ZNF234: variants seen among roughly 807,000 people sequenced by gnomAD.
The protein encoded by ZNF234 is C2-H2 type zinc finger protein.
A neutral mutation model predicts 10.3 loss-of-function variants in ZNF234; 4 were observed. That is an observed-to-expected ratio of 0.39 (90% CI 0.19 to 0.89). The LOEUF (loss-of-function observed/expected upper bound fraction) is 0.89. ZNF234 is among the 40% of genes least tolerant of loss of function. The probability of loss-of-function intolerance (pLI) is 0.38; values close to 1 mark genes in which losing one functional copy is unlikely to be tolerated. For missense variants in ZNF234, 711 were observed against 836.1 expected, an observed-to-expected ratio of 0.85 and a Z score of 1.85; for synonymous variants, 258 against 280.1, an observed-to-expected ratio of 0.92 and a Z score of 0.79.
intron 5 of ZNF234, among the ~76,000 whole-genome samples, 190 bp from the exon 6 acceptor site, chr19:44,156,062 T>G (rs1217011052): frequency 1.3e-5 from 2 of 152,340 alleles, no homozygotes; most frequent in Admixed American, 1.3e-4. Context: ...GCCTGGTAGA[T>G]AGCAGCCAAT....
Position 44,156,641 on chromosome 19 carries a change from T to C in ZNF234, c.625T>C (p.Cys209Arg), listed in dbSNP as rs754844728. Residue 209 changes from cysteine (C) to arginine (R), a missense_variant, in exon 6 of 6, where the codon TGT becomes CGT. Coordinates refer to ENST00000426739, the MANE Select transcript of ZNF234 (RefSeq NM_006630.3). ...AGAGAAATGCTATAAGTGTGACGTG[T>C]GTGGTAAGGAATTTAGTCAGAGCTC... ...MGEKCYKCDV[C>R]GKEFSQSSHL... is the part of the protein sequence containing the mutation. 5 of 1,614,036 alleles carry C rather than the reference T, an allele frequency of 3.1e-6. No individual in the cohort carries two copies.
At position 44,157,269 on chromosome 19, in the gene ZNF234, A is replaced by C. The variant is rs1968915609; in HGVS notation, c.1253A>C (p.His418Pro). The C allele has an allele frequency of 1.2e-6, 2 of 1,614,146 alleles. No individual in the cohort carries two copies. The highest frequency in any genetic ancestry group is 1.7e-6 in the Non-Finnish European group (2 of 1,179,996). ...SFRMKIHYQV[H>P]LVVHTGEKPY... ...AGAATGAAAATTCATTATCAAGTGC[A>C]TCTGGTAGTCCACACAGGGGAAAAA... is the stretch of plus-strand genomic sequence containing the variant. The change falls in exon 6 of 6, where the codon CAT becomes CCT. Residue 418 changes from histidine (H) to proline (P), a missense_variant. Transcript: ENST00000426739.
chr19:44,157,239 G>C lies in ZNF234; in HGVS notation c.1223G>C (p.Ser408Thr). Residue 408 changes from serine to threonine, a missense_variant, in exon 6 of 6, where the codon AGC becomes ACC. Ser to Thr is a moderately conservative substitution (Grantham distance 58). Transcript: ENST00000426739. ...KPYKCNECGK[S>T]FRMKIHYQVH... is the part of the protein sequence containing the mutation. ...TACAAATGCAATGAGTGTGGGAAGA[G>C]CTTCAGAATGAAAATTCATTATCAA... The C allele has an allele frequency of 6.2e-7, 1 of 1,614,110 alleles. No individual in the cohort carries two copies. The highest frequency in any genetic ancestry group is 8.5e-7 in the Non-Finnish European group (1 of 1,179,986).
intron 3 of ZNF234, among the ~76,000 whole-genome samples, chr19:44,146,767 C>A (rs1184490123): frequency 2.7e-5 from 4 of 145,690 alleles, no homozygotes; most frequent in Admixed American, 2.7e-4. Context: ...TTTTGGTCAT[C>A]ATATAGAGAA....
intron 3 of ZNF234, among the ~76,000 whole-genome samples, chr19:44,147,298 G>A (rs1051278543): frequency 6.6e-6 from 1 of 151,718 alleles, no homozygotes; most frequent in Non-Finnish European, 1.5e-5. Context: ...GTACAGTGGT[G>A]TGATCATCGC....
At position 44,156,544 on chromosome 19, in the gene ZNF234, T is replaced by C. The variant is rs1411787452; in HGVS notation, c.528T>C (p.His176=). 1 of 1,614,104 alleles carries C rather than the reference T, an allele frequency of 6.2e-7. No individual in the cohort carries two copies. Among genetic ancestry groups the C allele is most frequent in the East Asian group, 2.2e-5 (1 of 44,866 alleles). ...HQQLHSGEKS[H]TCDECGKSFC... ...AGTTACACTCAGGAGAGAAGTCTCA[T>C]ACATGTGATGAGTGTGGAAAAAGCT... The change falls in exon 6 of 6, where the codon CAT becomes CAC. Residue 176 remains histidine (H), a synonymous_variant. Coordinates refer to ENST00000426739, the MANE Select transcript of ZNF234 (RefSeq NM_006630.3).
Position 44,159,545 on chromosome 19 carries a change from T to C in ZNF234, c.*1426T>C. The C allele has an allele frequency of 4.9e-6, 2 of 406,558 alleles. No individual in the cohort carries two copies. The highest frequency in any genetic ancestry group is 3.5e-5 in the South Asian group (2 of 57,178). 25.2% of individuals were successfully genotyped at this position (406,558 alleles called of 1,614,324 possible). ...AAATTTAATTAACCTGACAAGAGTT[T>C]ACTGAATATCACACAATTGAGTTTT... On this transcript the variant is annotated 3_prime_UTR_variant, in exon 6 of 6. Transcript: ENST00000426739.
At chr19:44,151,369 A>C (rs2122128167) in intron 5 of ZNF234, among the ~76,000 whole-genome samples, 1 of 151,764 alleles carries the variant, frequency 6.6e-6, no homozygotes, top group East Asian at 2.0e-4. Context: ...CGTCCGGCGG[A>C]TTTTTGTATT....
chr19:44,153,165 C>CATATATATAT (rs10528022), intron 5 of ZNF234, among the ~76,000 whole-genome samples: 1,656 of 97,810 alleles, frequency 0.017, 79 homozygotes, highest in African/African-American at 0.054. Flanking sequence ...ATGTATTCAT[C>CATATATATAT]ATATATATAT....
Position 44,141,758 on chromosome 19 carries a change from T to C in ZNF234, c.-131+25T>C. 6.6e-6 allele frequency: 1 copy of C among 152,482 alleles called. No homozygotes were observed. 9.4% of individuals were successfully genotyped at this position (152,482 alleles called of 1,614,324 possible). On this transcript the variant is annotated intron_variant, in intron 1 of 5. Transcript: ENST00000426739. The surrounding 1 kb of genome is among the most constrained non-coding windows in gnomAD (Gnocchi z 4.6). Reference sequence around the variant, plus strand: ...GGTTTGGTGGGGCGAGGGCGGCGGCTTTTGTTGTGTCAGCGGAGCCTTCTT... The same window carrying C: ...GGTTTGGTGGGGCGAGGGCGGCGGCCTTTGTTGTGTCAGCGGAGCCTTCTT...
rs1968891710 is a variant in ZNF234 at position 44,156,681 on chromosome 19, A to G, written c.665A>G (p.His222Arg). ...EFSQSSHLQTHQRVHTVEKPF... is the reference protein window; with the variant it reads ...EFSQSSHLQTRQRVHTVEKPF... The stretch of plus-strand genomic sequence containing the variant: ...AGTCAGAGCTCACATCTTCAAACTC[A>G]TCAGAGAGTCCACACTGTAGAGAAA... Residue 222 changes from histidine (H) to arginine (R), a missense_variant, in exon 6 of 6, where the codon CAT becomes CGT. By Grantham distance (29) the His-to-Arg change is conservative (BLOSUM62 0). Coordinates refer to ENST00000426739, the MANE Select transcript of ZNF234 (RefSeq NM_006630.3). The G allele has an allele frequency of 6.2e-7, 1 of 1,614,092 alleles. No homozygotes were observed. The highest frequency in any genetic ancestry group is 1.7e-5 in the Admixed American group (1 of 60,010).
intron 5 of ZNF234, among the ~76,000 whole-genome samples, chr19:44,155,238 G>C (rs942198791): frequency 6.6e-6 from 1 of 152,134 alleles, no homozygotes; most frequent in African/African-American, 2.4e-5. Flanking sequence ...AAGTGTATAT[G>C]TTATGCAGAA....
At chr19:44,149,443 C>T (rs1968683878) in intron 4 of ZNF234, among the ~76,000 whole-genome samples, 3 of 150,564 alleles carry the variant, frequency 2.0e-5, no homozygotes, top group South Asian at 2.1e-4. Flanking sequence ...GTGAGACTGT[C>T]TCAAAAAAAA....
In ZNF234 at chr19:44,159,573, A is replaced by T; in HGVS notation, c.*1454A>T. ...TGAATATCACACAATTGAGTTTTTA[A>T]TCCATTAATGTTAAGGCAGGGGTTT... On this transcript the variant is annotated 3_prime_UTR_variant, in exon 6 of 6. Transcript: ENST00000426739. 2.3e-6 allele frequency: 1 copy of T among 443,888 alleles called. No homozygotes were observed. The highest frequency in any genetic ancestry group is 6.1e-5 in the East Asian group (1 of 16,518). 27.5% of individuals were successfully genotyped at this position (443,888 alleles called of 1,614,324 possible).
chr19:44,144,848 G>C (rs563475143), intron 3 of ZNF234, among the ~76,000 whole-genome samples: 3 of 152,300 alleles, frequency 2.0e-5, no homozygotes, highest in East Asian at 3.9e-4. Context: ...TTCACATCTA[G>C]GGGTTTTGCG....
At chr19:44,147,089 C>T (rs1568549461) in intron 3 of ZNF234, among the ~76,000 whole-genome samples, 1 of 151,908 alleles carries the variant, frequency 6.6e-6, no homozygotes, top group Non-Finnish European at 1.5e-5. Context: ...GCTGGGATTA[C>T]AGGCATGAGC....
At chr19:44,143,534 G>C (rs1252565270) in intron 2 of ZNF234, among the ~76,000 whole-genome samples, 1 of 151,964 alleles carries the variant, frequency 6.6e-6, no homozygotes, top group Non-Finnish European at 1.5e-5. Flanking sequence ...GTGTTAACCC[G>C]GGAGGCGGAG....
Position 44,157,224 on chromosome 19 carries a change from A to C in ZNF234, c.1208A>C (p.Asn403Thr). ...ACTGGAGAGAAGCCATACAAATGCA[A>C]TGAGTGTGGGAAGAGCTTCAGAATG... ...VHTGEKPYKC[N>T]ECGKSFRMKI... is the part of the protein sequence containing the mutation. Residue 403 changes from asparagine (N) to threonine (T), a missense_variant, in exon 6 of 6, where the codon AAT (asparagine) becomes ACT (threonine). Coordinates refer to ENST00000426739, the MANE Select transcript of ZNF234 (RefSeq NM_006630.3). 1 of 1,614,052 alleles carries C rather than the reference A, an allele frequency of 6.2e-7. No homozygotes were observed. The highest frequency in any genetic ancestry group is 8.5e-7 in the Non-Finnish European group (1 of 1,179,992).
chr19:44,157,942 T>C lies in ZNF234; in HGVS notation c.1926T>C (p.His642=), dbSNP rs568561716. ...GTCGGTCTTCACAATTACAGTATCA[T>C]AGGCGAGTTCACACTGGGGAAAAAC... The part of the protein sequence containing the change: ...VFSRSSQLQY[H]RRVHTGEKPY... Residue 642 remains histidine, a synonymous_variant, in exon 6 of 6, where the codon CAT becomes CAC. Transcript: ENST00000426739. The C allele has an allele frequency of 1.9e-6, 3 of 1,614,108 alleles. No individual in the cohort carries two copies. Among genetic ancestry groups the C allele is most frequent in the South Asian group, 2.2e-5 (2 of 91,082 alleles).
Sources: allele counts gnomAD v4.1 joint callset (sites outside exome capture counted in the v4.1 genomes callset), GRCh38; gene constraint gnomAD v4.1.1; non-coding constraint Gnocchi (gnomAD v3.1); transcripts MANE v1.5; gene names NCBI Gene and HGNC (gene_info 2026-07-23, HGNC 2026-07-21).